Variants in RNF213 observed in about 807,000 individuals in gnomAD.
The protein encoded by RNF213 is ring finger protein 213, also known as E3 ubiquitin-protein ligase RNF213.
Under a neutral mutation model 514.4 loss-of-function variants are expected in RNF213, and 341 were observed. The ratio of observed to expected loss-of-function variants is 0.66; its 90% CI spans 0.61 to 0.73. The LOEUF (loss-of-function observed/expected upper bound fraction) is 0.73. Ranked by LOEUF, RNF213 falls within the 30% of genes least tolerant of loss-of-function variation. RNF213 has a pLI of 0.00. For synonymous variants in RNF213, 2,655 were observed against 2,658.2 expected (o/e 1.00, Z 0.04); for missense variants, 5,767 against 6,615.6 (o/e 0.87, Z 4.45).
At chr17:80,285,086 AC>A (rs1331085786) in intron 3 of RNF213, among the ~76,000 whole-genome samples, 1 of 152,110 alleles carries the variant, frequency 6.6e-6, no homozygotes, top group African/African-American at 2.4e-5. Context: ...GGCCACAAAC[AC>A]CTGCTGTGTG....
intron 2 of RNF213, among the ~76,000 whole-genome samples, chr17:80,265,873 C>A (rs1246610072): frequency 6.6e-6 from 1 of 151,850 alleles, no homozygotes; most frequent in Admixed American, 6.6e-5. Flanking sequence ...AGTTTGAGAC[C>A]AGCCTGGGCA....
Position 80,288,006 on chromosome 17 carries a change from A to G in RNF213, c.453A>G (p.Pro151=), listed in dbSNP as rs7215243. The stretch of plus-strand genomic sequence containing the variant: ...CCACTGGCCAGCCGAGCCAGCCCCC[A>G]GGCACAGCCACCACGCCACTGGAGG... ...SGPTGQPSQP[P]GTATTPLEGD... The change falls in exon 4 of 68, where the codon CCA becomes CCG. Residue 151 remains proline (P), a synonymous_variant. Transcript: ENST00000582970. This position sits in a 1 kb window ranked among gnomAD's most constrained non-coding sequence, Gnocchi z 4.9. 376,778 of 1,589,874 alleles carry G rather than the reference A, an allele frequency of 0.24. 48,798 individuals carry two copies. The highest frequency in any genetic ancestry group is 0.53 in the African/African-American group (39,544 of 74,524).
At chr17:80,391,374 G>C (rs939861837) in intron 67 of RNF213, among the ~76,000 whole-genome samples, 2 of 152,104 alleles carry the variant, frequency 1.3e-5, no homozygotes, top group East Asian at 1.9e-4. Context: ...GGGTTCAATC[G>C]ATTCTCCTGC....
At chr17:80,293,397 G>C (rs1394747467) in intron 8 of RNF213, among the ~76,000 whole-genome samples, 1 of 152,050 alleles carries the variant, frequency 6.6e-6, no homozygotes, top group Non-Finnish European at 1.5e-5. Flanking sequence ...TGTACTCTGA[G>C]AACATAAGCT....
chr17:80,296,166 C>T (rs150696523), intron 10 of RNF213, among the ~76,000 whole-genome samples: 1,916 of 152,224 alleles, frequency 0.013, 18 homozygotes, highest in South Asian at 0.033. Flanking sequence ...ACTACAGGTG[C>T]ACACTACCAC....
intron 3 of RNF213, among the ~76,000 whole-genome samples, chr17:80,283,118 G>A (rs755951298): frequency 6.6e-6 from 1 of 152,146 alleles, no homozygotes; most frequent in Non-Finnish European, 1.5e-5. Context: ...ATACCGCTAT[G>A]GTTATGTAGT....
Position 80,313,085 on chromosome 17 carries a change from C to T in RNF213, c.2729C>T (p.Thr910Met), listed in dbSNP as rs371556089. The T allele has an allele frequency of 5.5e-5, 88 of 1,613,978 alleles. 2 individuals carry two copies. The highest frequency in any genetic ancestry group is 4.0e-4 in the South Asian group (36 of 91,090). ...QTVFQGTLAA[T>M]KRWLREVFTK... ...GTCTTCCAAGGGACCCTTGCTGCTA[C>T]GAAAAGGTGGCTCCGAGAAGTTTTT... Residue 910 changes from threonine (T) to methionine (M), a missense_variant, in exon 15 of 68, where the codon ACG becomes ATG. Physicochemically the swap from Thr to Met is moderately conservative, Grantham distance 81 (BLOSUM62 -1). This residue lies in a region of RNF213 where 592 missense variants were observed against 673.9 expected (regional missense o/e 0.88). Coordinates refer to ENST00000582970, the MANE Select transcript of RNF213 (RefSeq NM_001256071.3).
Position 80,394,131 on chromosome 17 carries a change from C to T in RNF213, c.*633C>T, listed in dbSNP as rs1037501082. The T allele has an allele frequency of 6.5e-6, 1 of 153,376 alleles. No homozygotes were observed. The highest frequency in any genetic ancestry group is 1.5e-5 in the Non-Finnish European group (1 of 68,882). 9.5% of individuals were successfully genotyped at this position (153,376 alleles called of 1,614,324 possible). ...CACTTCAGAGGGTAAGAGCCAAAAGCCTCATTGTGAAAGGCACTGGACTTG... is the reference window on the plus strand; with the variant it reads ...CACTTCAGAGGGTAAGAGCCAAAAGTCTCATTGTGAAAGGCACTGGACTTG... On this transcript the variant is annotated 3_prime_UTR_variant, in exon 68 of 68. Transcript: ENST00000582970.
chr17:80,316,609 C>G (rs2045956815), intron 15 of RNF213: 1 of 180,352 alleles, frequency 5.5e-6, no homozygotes, highest in African/African-American at 2.3e-5. Context: ...GTCCTCCTCT[C>G]CACGTTGCAC....
At position 80,300,372 on chromosome 17, in the gene RNF213, C is replaced by G. The variant is rs117980117; in HGVS notation, c.2210+1854C>G. ...CTCTGCCTCCTCGGCACAAGCGATT[C>G]TGCTGGGATTGGTAGTGTGCGCCAC... On this transcript the variant is annotated intron_variant, in intron 11 of 67. Transcript: ENST00000582970. 1.7e-3 allele frequency among the ~76,000 whole-genome samples: 257 copies of G among 151,108 alleles called. 4 individuals are homozygous for G. In the East Asian group the frequency reaches 0.043, roughly 25 times the overall value.
chr17:80,389,998 TTCCG>T lies in RNF213; in HGVS notation c.15286-11_15286-8del, dbSNP rs2080397674. 2.5e-6 allele frequency: 4 copies of T among 1,614,228 alleles called. No homozygotes were observed. The highest frequency in any genetic ancestry group is 3.4e-6 in the Non-Finnish European group (4 of 1,180,034). On this transcript the variant is annotated splice_polypyrimidine_tract_variant and intron_variant, in intron 66 of 67. Coordinates refer to ENST00000582970, the MANE Select transcript of RNF213 (RefSeq NM_001256071.3). ...GCAGGCTTTAATGCTTCATTTGCTC[TTCCG>T]TCGTTTTAGGAGCCATTTGGGGAAA...
In RNF213 at chr17:80,377,897, G is replaced by T; in HGVS notation, c.13545+101G>T. On this transcript the variant is annotated intron_variant, in intron 54 of 67. Transcript: ENST00000582970. This position sits in a 1 kb window ranked among gnomAD's most constrained non-coding sequence, Gnocchi z 4.1. ...GGAGAGTGAGGCTCTCGGCCTTCCAGGAGAGCACAGGCTCACCGAGGACTG... is the reference window on the plus strand; with the variant it reads ...GGAGAGTGAGGCTCTCGGCCTTCCATGAGAGCACAGGCTCACCGAGGACTG... The T allele has an allele frequency of 7.5e-7, 1 of 1,335,020 alleles. No homozygotes were observed. Among genetic ancestry groups the T allele is most frequent in the Non-Finnish European group, 1.1e-6 (1 of 927,194 alleles). 82.7% of individuals were successfully genotyped at this position (1,335,020 alleles called of 1,614,324 possible). A position where few individuals can be genotyped will look rare whatever the true frequency, so the allele number is the denominator to read the frequency against.
intron 58 of RNF213, 22 bp from the exon 59 acceptor site, chr17:80,383,655 T>C (rs771602067): frequency 1.5e-5 from 25 of 1,613,758 alleles, no homozygotes; most frequent in Non-Finnish European, 2.0e-5. Context: ...CCAGAATTTT[T>C]TTTTTCATTT....
chr17:80,363,885 TGCTCCTGCCATGGGAGGG>T lies in RNF213; in HGVS notation c.11750+101_11750+118del. On this transcript the variant is annotated intron_variant, in intron 41 of 67. Transcript: ENST00000582970. ...GCATGTCCATGAGAAGACGGGCAGG[TGCTCCTGCCATGGGAGGG>T]GCTCCGTCCTCACCCGTTCACTCCG... 2.5e-6 allele frequency: 3 copies of T among 1,222,536 alleles called. No individual in the cohort carries two copies. The South Asian group carries it at 3.9e-5, about 16-fold the overall frequency. The allele number at this position is 1,222,536 out of a possible 1,614,324, so 75.7% of individuals were successfully genotyped here.
rs2079063687 is a variant in RNF213, at chr17:80,361,759, C to CA, written c.11226_11227insA (p.Phe3743IlefsTer54). The CA allele has an allele frequency of 2.5e-6, 4 of 1,613,860 alleles. No individual in the cohort carries two copies. The highest frequency in any genetic ancestry group is 3.4e-6 in the Non-Finnish European group (4 of 1,179,904). On this transcript the variant is annotated frameshift_variant, in exon 39 of 68. Coordinates refer to ENST00000582970, the MANE Select transcript of RNF213 (RefSeq NM_001256071.3). LOFTEE classifies it high-confidence loss of function. ...GACTGCCCAAGAAGTTCGTGGACAT[C>CA]TTTCAGCAGACTCCTCTGGGCAGGT...
chr17:80,390,297 A>T (rs2080412873), intron 67 of RNF213, 101 bp downstream of exon 67: 1 of 1,358,148 alleles, frequency 7.4e-7, no homozygotes, highest in African/African-American at 1.4e-5. Flanking sequence ...TTACCACAGA[A>T]TCCCATTTCC....
rs1347834066 is a variant in RNF213, at chr17:80,337,630, G to A, written c.4572G>A (p.Glu1524=). 4.6e-6 allele frequency: 7 copies of A among 1,537,322 alleles called. No individual in the cohort carries two copies. The East Asian group carries it at 1.5e-4, about 32-fold the overall frequency. Residue 1524 remains glutamate (E), a synonymous_variant, in exon 24 of 68, where the codon GAG becomes GAA. Coordinates refer to ENST00000582970, the MANE Select transcript of RNF213 (RefSeq NM_001256071.3). ...RNLEWLKTVN[E]SHGSVERSSL... ...TGGAATGGCTGAAGACTGTGAATGA[G>A]AGTCATGGGTCTGTGGAACGCTCAT...
rs1285082524 is a variant in RNF213, at chr17:80,373,116, C to T, written c.12893C>T (p.Pro4298Leu). ...GAGTTCGTGCAGGGCCTCTCCAAGC[C>T]CGGCCGCCCGCACCAGTGGGTGTTT... ...GMEFVQGLSK[P>L]GRPHQWVFPK... The change falls in exon 49 of 68, where the codon CCC becomes CTC. Residue 4298 changes from proline to leucine, a missense_variant. Physicochemically the swap from Pro to Leu is moderately conservative, Grantham distance 98. Transcript: ENST00000582970. 6.2e-7 allele frequency: 1 copy of T among 1,613,442 alleles called. No individual in the cohort carries two copies. Among genetic ancestry groups the T allele is most frequent in the Admixed American group, 1.7e-5 (1 of 60,000 alleles).
intron 8 of RNF213, 24 bp downstream of exon 8, chr17:80,291,851 T>G (rs2044741704): frequency 1.2e-6 from 2 of 1,613,454 alleles, no homozygotes; most frequent in Admixed American, 1.7e-5. Flanking sequence ...GCAGGCTGTC[T>G]GCTCACCCCT....
Sources: gnomAD v4.1 joint callset for allele counts (sites outside exome capture counted in the v4.1 genomes callset) on GRCh38, gnomAD v4.1.1 for gene constraint, gnomAD v4.1.1 regional missense constraint, Gnocchi (gnomAD v3.1) non-coding constraint, MANE v1.5 for transcripts, NCBI Gene and HGNC (gene_info 2026-07-23, HGNC 2026-07-21) for gene names.